The following SYCP2 variants were observed in gnomAD, a reference collection of about 807,000 sequenced individuals.
SYCP2 encodes synaptonemal complex protein 2.
In SYCP2, 55 loss-of-function variants were observed where a neutral mutation model predicts 211.3. That is an observed-to-expected ratio of 0.26 (90% CI 0.21 to 0.33). SYCP2 has a LOEUF of 0.33. Among genes scored for constraint, SYCP2 ranks in the 10% least tolerant of loss-of-function variants. The pLI, the probability that SYCP2 is intolerant of heterozygous loss-of-function variation, is 1.00. For missense variants in SYCP2, 1,731 were observed against 1,752.0 expected, an observed-to-expected ratio of 0.99 and a Z score of 0.21; for synonymous variants, 570 against 555.2, an observed-to-expected ratio of 1.03 and a Z score of -0.37.
Position 59,902,813 on chromosome 20 carries a change from C to T in SYCP2, c.1034-1003G>A, listed in dbSNP as rs183607520. Among the ~76,000 whole-genome samples, 350 of 152,202 alleles carry T rather than the reference C, an allele frequency of 2.3e-3. 1 individual carries two copies. The highest frequency in any genetic ancestry group is 8.1e-3 in the African/African-American group (337 of 41,538). On this transcript the variant is annotated intron_variant, in intron 15 of 44. Coordinates refer to ENST00000357552, the MANE Select transcript of SYCP2 (RefSeq NM_014258.4). ...TAACCATAGTTTCAAACTCAAAGAG[C>T]GCTAGTAGTTTTTTAAAAGTTAAAC...
intron 12 of SYCP2, 34 bp downstream of exon 12, chr20:59,913,941 G>A (rs1180257905): frequency 2.0e-6 from 3 of 1,522,184 alleles, no homozygotes; most frequent in Non-Finnish European, 2.7e-6. Flanking sequence ...CTATTTATTT[G>A]ACAGTAAATG....
intron 15 of SYCP2, among the ~76,000 whole-genome samples, chr20:59,906,789 G>C (rs2060221897): frequency 6.6e-6 from 1 of 151,766 alleles, no homozygotes; most frequent in South Asian, 2.1e-4. Context: ...CAAAGGAGTG[G>C]AATCTAGGAT....
chr20:59,873,279 C>A (rs2145624125), intron 35 of SYCP2, among the ~76,000 whole-genome samples: 1 of 152,294 alleles, frequency 6.6e-6, no homozygotes, highest in African/African-American at 2.4e-5. Flanking sequence ...AGCATCAATA[C>A]TCTTGCCCTT....
intron 6 of SYCP2, 56 bp downstream of exon 6, chr20:59,919,437 G>T: frequency 7.5e-7 from 1 of 1,328,026 alleles, no homozygotes; most frequent in Non-Finnish European, 1.1e-6. Context: ...AACACAAATT[G>T]TTTTTTAAAT....
At chr20:59,933,013 G>A (rs1393964264) in intron 1 of SYCP2, among the ~76,000 whole-genome samples, 2 of 151,986 alleles carry the variant, frequency 1.3e-5, no homozygotes, top group Non-Finnish European at 2.9e-5. Context: ...TTTTCCCAGG[G>A]TCACCCCCGA....
chr20:59,870,535 A>G (rs2059432060), intron 35 of SYCP2, among the ~76,000 whole-genome samples: 1 of 151,830 alleles, frequency 6.6e-6, no homozygotes, highest in South Asian at 2.1e-4. Flanking sequence ...ACTTCACCCA[A>G]CTTTGCAGGA....
chr20:59,918,347 T>C lies in SYCP2; in HGVS notation c.427+811A>G, dbSNP rs2060481142. Among the ~76,000 whole-genome samples the C allele has an allele frequency of 4.6e-5, 7 of 152,326 alleles. No homozygotes were observed. The South Asian group carries it at 1.2e-3, about 27-fold the overall frequency. Reference sequence around the variant, plus strand: ...AGGTGATCTGAAAGGCAAGCAATGCTATGCTGCTTTATACACTTCACAGAC... The same window carrying C: ...AGGTGATCTGAAAGGCAAGCAATGCCATGCTGCTTTATACACTTCACAGAC... On this transcript the variant is annotated intron_variant, in intron 7 of 44. Coordinates refer to ENST00000357552, the MANE Select transcript of SYCP2 (RefSeq NM_014258.4).
intron 2 of SYCP2, among the ~76,000 whole-genome samples, chr20:59,931,011 CTT>C (rs11467993): frequency 0.019 from 2,947 of 152,210 alleles, 40 homozygotes; most frequent in Middle Eastern, 0.041. Flanking sequence ...TATATAGTAA[CTT>C]ATGAATTATG....
At chr20:59,870,907 A>G (rs927601961) in intron 35 of SYCP2, among the ~76,000 whole-genome samples, 2 of 151,792 alleles carry the variant, frequency 1.3e-5, no homozygotes, top group Non-Finnish European at 2.9e-5. Flanking sequence ...AAGCCTGGAG[A>G]GACTCAAATC....
intron 41 of SYCP2, 53 bp downstream of exon 41, chr20:59,866,240 C>T (rs2059330145): frequency 1.7e-6 from 2 of 1,198,622 alleles, no homozygotes; most frequent in African/African-American, 3.1e-5. Flanking sequence ...CCAAGTATAG[C>T]TCTTTAAAAA....
chr20:59,875,249 G>C, intron 34 of SYCP2, 22 bp downstream of exon 34: 1 of 1,510,636 alleles, frequency 6.6e-7, no homozygotes, highest in Non-Finnish European at 9.0e-7. Context: ...TTCAAGTAAA[G>C]AAAAAACAAA....
chr20:59,932,015 G>A (rs2060755781), intron 2 of SYCP2, 47 bp downstream of exon 2: 1 of 152,114 alleles, frequency 6.6e-6, no homozygotes, highest in African/African-American at 2.4e-5. Context: ...AACGACTTCG[G>A]AAACCGAGAA....
At chr20:59,881,163 T>A in intron 29 of SYCP2, 140 bp from the exon 30 acceptor site, 2 of 567,104 alleles carry the variant, frequency 3.5e-6, no homozygotes, top group Non-Finnish European at 6.2e-6. Flanking sequence ...AAGCCACTTA[T>A]CCTCTCTGAC....
chr20:59,905,754 G>A (rs2060202321), intron 15 of SYCP2, among the ~76,000 whole-genome samples: 1 of 152,058 alleles, frequency 6.6e-6, no homozygotes, highest in Non-Finnish European at 1.5e-5. Context: ...AAAGACTTTT[G>A]GCTAACATTA....
chr20:59,864,456 A>AT, intron 44 of SYCP2, 68 bp from the exon 45 acceptor site: 1 of 1,090,268 alleles, frequency 9.2e-7, no homozygotes, highest in Non-Finnish European at 1.3e-6. Flanking sequence ...CAAATAAAAT[A>AT]GAAAAAAAAA....
intron 26 of SYCP2, among the ~76,000 whole-genome samples, chr20:59,882,808 G>A (rs1331383964): frequency 6.6e-6 from 1 of 151,760 alleles, no homozygotes; most frequent in African/African-American, 2.4e-5. Context: ...GGAACTAAGG[G>A]ATTAAAAAAT....
chr20:59,873,336 G>T (rs2059489944), intron 35 of SYCP2, among the ~76,000 whole-genome samples: 1 of 152,102 alleles, frequency 6.6e-6, no homozygotes. Flanking sequence ...CACAAGCACT[G>T]CAATACCTCT....
At chr20:59,886,170 C>T (rs560282560) in intron 25 of SYCP2, among the ~76,000 whole-genome samples, 4 of 152,116 alleles carry the variant, frequency 2.6e-5, no homozygotes, top group African/African-American at 9.6e-5. Context: ...ATCATTAATG[C>T]AGCAGAAAGT....
chr20:59,867,516 A>G (rs1174204546), intron 39 of SYCP2, among the ~76,000 whole-genome samples, 195 bp downstream of exon 39: 1 of 151,838 alleles, frequency 6.6e-6, no homozygotes, highest in Non-Finnish European at 1.5e-5. Flanking sequence ...AATAGGACAA[A>G]AGAGAAAAAA....
Sources: allele counts gnomAD v4.1 joint callset (sites outside exome capture counted in the v4.1 genomes callset), GRCh38; gene constraint gnomAD v4.1.1; transcripts MANE v1.5; gene names NCBI Gene and HGNC (gene_info 2026-07-23, HGNC 2026-07-21).